ADGRG6: variants seen among roughly 807,000 people sequenced by gnomAD.
ADGRG6 encodes adhesion G protein-coupled receptor G6, also known as G-protein coupled receptor 126.
ADGRG6 carries 84 observed loss-of-function variants against 142.4 expected under a neutral mutation model. The ratio of observed to expected loss-of-function variants is 0.59; its 90% CI spans 0.49 to 0.71. The LOEUF is 0.71. ADGRG6 is among the 30% of genes least tolerant of loss of function. ADGRG6 has a pLI of 0.00. For synonymous variants in ADGRG6, 521 were observed against 520.5 expected (o/e 1.00, Z -0.01); for missense variants, 1,367 against 1,466.6 (o/e 0.93, Z 1.11).
In ADGRG6 at chr6:142,435,719, C is replaced by T. The variant is rs749946825; in HGVS notation, c.3320-1715C>T. Among the ~76,000 whole-genome samples, 4 of 151,524 alleles carry T rather than the reference C, an allele frequency of 2.6e-5. 1 individual carries two copies. The highest frequency in any genetic ancestry group is 4.2e-4 in the South Asian group (2 of 4,806). On this transcript the variant is annotated intron_variant, in intron 22 of 24. Coordinates refer to ENST00000367609, the MANE Select transcript of ADGRG6 (RefSeq NM_198569.3). ...GAGCTTATTATCTGCTAGTAAGAGACGATCAAGCAAAGGAATAAATGAATA... is the reference window on the plus strand; with the variant it reads ...GAGCTTATTATCTGCTAGTAAGAGATGATCAAGCAAAGGAATAAATGAATA...
chr6:142,431,458 G>A (rs1360194), intron 22 of ADGRG6, among the ~76,000 whole-genome samples: 60,179 of 151,946 alleles, frequency 0.4, 13,579 homozygotes, highest in African/African-American at 0.62. Context: ...TCTGCATTCA[G>A]TCTTTTGGGC....
chr6:142,419,738 G>A (rs879661239), intron 21 of ADGRG6, 83 bp from the exon 22 acceptor site: 11 of 1,080,544 alleles, frequency 1.0e-5, no homozygotes, highest in Non-Finnish European at 1.4e-5. Flanking sequence ...ATCTGCAGTA[G>A]CCCAAACTAA....
At chr6:142,412,235 G>A (rs1776124996) in intron 18 of ADGRG6, among the ~76,000 whole-genome samples, 1 of 152,156 alleles carries the variant, frequency 6.6e-6, no homozygotes, top group Admixed American at 6.5e-5. Context: ...TCCAGGGTAT[G>A]CTCTGGGTTG....
intron 18 of ADGRG6, among the ~76,000 whole-genome samples, chr6:142,411,977 TATG>T (rs1160697033): frequency 6.6e-6 from 1 of 152,154 alleles, no homozygotes; most frequent in African/African-American, 2.4e-5. Flanking sequence ...AGATAATGGT[TATG>T]ATGTTTCTGT....
intron 2 of ADGRG6, 40 bp from the exon 3 acceptor site, chr6:142,367,529 C>T (rs779916470): frequency 1.3e-6 from 2 of 1,530,108 alleles, no homozygotes; most frequent in African/African-American, 2.7e-5. Flanking sequence ...TGCATCTGAA[C>T]CCAGCCCTTC....
chr6:142,386,863 C>G (rs1304598705), intron 6 of ADGRG6, among the ~76,000 whole-genome samples: 1 of 152,128 alleles, frequency 6.6e-6, no homozygotes, highest in African/African-American at 2.4e-5. Context: ...CCCACACCCA[C>G]TCACACTGGG....
At chr6:142,409,840 A>G (rs764213765) in intron 16 of ADGRG6, 34 bp from the exon 17 acceptor site, 12 of 1,051,778 alleles carry the variant, frequency 1.1e-5, no homozygotes, top group Non-Finnish European at 8.4e-6. Flanking sequence ...CATTTTAAAC[A>G]CAATTTCACA....
chr6:142,393,591 A>G (rs187676364), intron 8 of ADGRG6, among the ~76,000 whole-genome samples: 33 of 152,304 alleles, frequency 2.2e-4, no homozygotes, highest in South Asian at 4.1e-4. Flanking sequence ...GAGATTTAAT[A>G]ACACAGAACA....
chr6:142,358,798 G>C (rs957624340), intron 2 of ADGRG6, among the ~76,000 whole-genome samples: 2 of 151,742 alleles, frequency 1.3e-5, no homozygotes, highest in Non-Finnish European at 2.9e-5. Flanking sequence ...CTAACTACTC[G>C]GGAGGCTGAG....
At chr6:142,400,674 T>A in intron 11 of ADGRG6, 78 bp downstream of exon 11, 1 of 739,630 alleles carries the variant, frequency 1.4e-6, no homozygotes, top group African/African-American at 1.7e-5. Flanking sequence ...GCACGGTAGT[T>A]CTTAGGCATT....
intron 1 of ADGRG6, among the ~76,000 whole-genome samples, chr6:142,304,302 G>A (rs1464110851): frequency 6.6e-6 from 1 of 152,086 alleles, no homozygotes; most frequent in East Asian, 1.9e-4. Flanking sequence ...TTATACTCAG[G>A]TTCTTTAATT....
chr6:142,368,353 G>A lies in ADGRG6; in HGVS notation c.445+443G>A, dbSNP rs117767759. On this transcript the variant is annotated intron_variant, in intron 3 of 24. Coordinates refer to ENST00000367609, the MANE Select transcript of ADGRG6 (RefSeq NM_198569.3). ...GTAAATTTTTAACAAGCTATTAACA[G>A]TTTAAGCTAATAAATAACACAGCTT... is the stretch of plus-strand genomic sequence containing the variant. 4.8e-4 allele frequency among the ~76,000 whole-genome samples: 73 copies of A among 152,228 alleles called. No homozygotes were observed. The East Asian group carries it at 0.014, about 28-fold the overall frequency.
At chr6:142,377,335 A>T (rs1262765483) in intron 4 of ADGRG6, among the ~76,000 whole-genome samples, 1 of 152,212 alleles carries the variant, frequency 6.6e-6, no homozygotes. Flanking sequence ...CCAGGTCCCC[A>T]CAGGAGCTGG....
chr6:142,356,422 T>A (rs1239253357), intron 2 of ADGRG6, among the ~76,000 whole-genome samples: 1 of 152,186 alleles, frequency 6.6e-6, no homozygotes, highest in East Asian at 1.9e-4. Flanking sequence ...TTAGCTCTAC[T>A]TGCATGCAAC....
intron 9 of ADGRG6, among the ~76,000 whole-genome samples, chr6:142,396,173 G>T (rs1362206913): frequency 6.6e-6 from 1 of 152,172 alleles, no homozygotes; most frequent in Non-Finnish European, 1.5e-5. Context: ...CACATTCCCA[G>T]CTGTAAGTTC....
At chr6:142,396,056 C>T (rs937767766) in intron 9 of ADGRG6, among the ~76,000 whole-genome samples, 7 of 152,042 alleles carry the variant, frequency 4.6e-5, no homozygotes, top group Non-Finnish European at 7.4e-5. Context: ...ACAGATAAGA[C>T]CTGTGAAAAT....
intron 22 of ADGRG6, among the ~76,000 whole-genome samples, chr6:142,435,839 A>G (rs1393971709): frequency 6.6e-6 from 1 of 152,202 alleles, no homozygotes; most frequent in Non-Finnish European, 1.5e-5. Flanking sequence ...ATAAAATAAA[A>G]TAACGGTTGC....
intron 11 of ADGRG6, chr6:142,400,798 A>G: frequency 2.0e-6 from 1 of 497,022 alleles, no homozygotes. Flanking sequence ...CCTCCCAGCC[A>G]CATGCTAATC....
intron 2 of ADGRG6, among the ~76,000 whole-genome samples, chr6:142,340,752 T>C (rs1004522903): frequency 2.6e-5 from 4 of 152,110 alleles, no homozygotes; most frequent in Non-Finnish European, 4.4e-5. Flanking sequence ...ATCAGTGAAG[T>C]TGCTGAGCCT....
Sources: gnomAD v4.1 joint callset for allele counts (sites outside exome capture counted in the v4.1 genomes callset) on GRCh38, gnomAD v4.1.1 for gene constraint, MANE v1.5 for transcripts, NCBI Gene and HGNC (gene_info 2026-07-23, HGNC 2026-07-21) for gene names.